Variants in PRKAG2 observed in about 807,000 individuals in gnomAD.
PRKAG2 encodes the protein protein kinase AMP-activated non-catalytic subunit gamma 2.
PRKAG2 carries 26 observed loss-of-function variants against 69.6 expected under a neutral mutation model. The observed-to-expected ratio is 0.37, with a 90% CI of 0.27 to 0.52. PRKAG2 has a LOEUF of 0.52. PRKAG2 is among the 20% of genes least tolerant of loss of function. The pLI is 0.90. For synonymous variants in PRKAG2, 293 were observed against 285.0 expected, an observed-to-expected ratio of 1.03 and a Z score of -0.28; for missense variants, 557 against 740.0, an observed-to-expected ratio of 0.75 and a Z score of 2.87.
intron 1 of PRKAG2, among the ~76,000 whole-genome samples, chr7:151,815,974 G>A (rs891452131): frequency 6.6e-6 from 1 of 152,212 alleles, no homozygotes; most frequent in African/African-American, 2.4e-5. Flanking sequence ...GTGGGCAAAT[G>A]TGTTATTCAG....
At chr7:151,844,469 C>T (rs564431000) in intron 1 of PRKAG2, among the ~76,000 whole-genome samples, 75 of 152,302 alleles carry the variant, frequency 4.9e-4, no homozygotes, top group African/African-American at 1.6e-3. Context: ...AACCCTCCCA[C>T]CTGGGTGAGC....
chr7:151,871,184 A>G (rs1368530525), intron 1 of PRKAG2, among the ~76,000 whole-genome samples: 1 of 152,216 alleles, frequency 6.6e-6, no homozygotes, highest in African/African-American at 2.4e-5. Flanking sequence ...CTAATAGGGA[A>G]GCTGCTTTTT....
chr7:151,773,633 T>C (rs982451796), intron 3 of PRKAG2, among the ~76,000 whole-genome samples: 1 of 152,266 alleles, frequency 6.6e-6, no homozygotes, highest in Non-Finnish European at 1.5e-5. Context: ...TAGATCATTC[T>C]GGAGGTCCTG....
intron 4 of PRKAG2, among the ~76,000 whole-genome samples, chr7:151,639,423 C>T (rs79110277): frequency 3.3e-5 from 5 of 152,140 alleles, no homozygotes; most frequent in Admixed American, 6.5e-5. Context: ...CCTAGACAAC[C>T]GGTAAAGCAT....
intron 3 of PRKAG2, among the ~76,000 whole-genome samples, chr7:151,715,152 AT>A (rs1250962648): frequency 6.8e-6 from 1 of 146,880 alleles, no homozygotes; most frequent in African/African-American, 2.5e-5. Flanking sequence ...AGTAGCTGGG[AT>A]TACAGGTGCG....
intron 1 of PRKAG2, among the ~76,000 whole-genome samples, chr7:151,842,037 TGGTAGTGATGGTA>T (rs1285578591): frequency 7.2e-6 from 1 of 138,980 alleles, no homozygotes; most frequent in Admixed American, 7.0e-5. Context: ...ATGGTAGTGA[TGGTAGTGATGGTA>T]GGTAGGGATG....
intron 1 of PRKAG2, among the ~76,000 whole-genome samples, chr7:151,875,464 G>A (rs974120518): frequency 3.9e-5 from 6 of 152,204 alleles, no homozygotes; most frequent in African/African-American, 9.7e-5. Context: ...GACCCTGTCG[G>A]GAAGGATTAG....
At chr7:151,596,548 A>G (rs1814572851) in intron 5 of PRKAG2, among the ~76,000 whole-genome samples, 1 of 152,170 alleles carries the variant, frequency 6.6e-6, no homozygotes. Context: ...CAGGAGTTTG[A>G]GACCAGCCTG....
intron 1 of PRKAG2, 81 bp from the exon 2 acceptor site, chr7:151,786,622 C>T: frequency 9.0e-7 from 1 of 1,112,570 alleles, no homozygotes; most frequent in Non-Finnish European, 1.3e-6. Context: ...TGGGTGTCAC[C>T]TCCCCCTTCC....
chr7:151,781,031 G>T lies in PRKAG2; in HGVS notation c.466+121C>A. The T allele has an allele frequency of 7.5e-7, 1 of 1,329,522 alleles. No individual in the cohort carries two copies. Among genetic ancestry groups the T allele is most frequent in the Non-Finnish European group, 1.1e-6 (1 of 934,908 alleles). The allele number at this position is 1,329,522 out of a possible 1,614,324, so 82.4% of individuals were successfully genotyped here. A position where few individuals can be genotyped will look rare whatever the true frequency, so the allele number is the denominator to read the frequency against. On this transcript the variant is annotated intron_variant, in intron 3 of 15. Transcript: ENST00000287878. This position sits in a 1 kb window ranked among gnomAD's most constrained non-coding sequence, Gnocchi z 6.1. ...TGGGGGTGGGGAGAAACAGATACAG[G>T]CACTCAGCACCAAGCTGCTCACAGC...
chr7:151,565,902 C>A lies in PRKAG2; in HGVS notation c.1234-17G>T, dbSNP rs587781127. On this transcript the variant is annotated splice_polypyrimidine_tract_variant and intron_variant, in intron 11 of 15. Coordinates refer to ENST00000287878, the MANE Select transcript of PRKAG2 (RefSeq NM_016203.4). The stretch of plus-strand genomic sequence containing the variant: ...ATCAGACATCTAAACGGAAGATAAA[C>A]GCAAACGTTCTAGACCCAGAACACA... The A allele has an allele frequency of 6.2e-7, 1 of 1,609,214 alleles. No individual in the cohort carries two copies. The highest frequency in any genetic ancestry group is 1.3e-5 in the African/African-American group (1 of 74,780).
chr7:151,867,360 G>A (rs1005960407), intron 1 of PRKAG2, among the ~76,000 whole-genome samples: 1 of 152,178 alleles, frequency 6.6e-6, no homozygotes, highest in Non-Finnish European at 1.5e-5. Context: ...GGTGCTGTGA[G>A]AGCCACACGC....
At chr7:151,566,898 T>C (rs1163613018) in intron 11 of PRKAG2, among the ~76,000 whole-genome samples, 1 of 152,212 alleles carries the variant, frequency 6.6e-6, no homozygotes, top group Non-Finnish European at 1.5e-5. Flanking sequence ...TCTATATTTT[T>C]AACTGAAAAC....
intron 5 of PRKAG2, among the ~76,000 whole-genome samples, chr7:151,617,050 A>G (rs1383047330): frequency 6.6e-6 from 1 of 151,948 alleles, no homozygotes; most frequent in East Asian, 1.9e-4. Flanking sequence ...GCCTGAGGTC[A>G]AGAGTACAAG....
At position 151,780,737 on chromosome 7, in the gene PRKAG2, TG is replaced by T. The variant is rs1319260264; in HGVS notation, c.466+414del. The stretch of plus-strand genomic sequence containing the variant: ...CCCTCAAATACCAAACCACAGAGAG[TG>T]GAAGCCATATCAGGCTGACCAAAGC... On this transcript the variant is annotated intron_variant, in intron 3 of 15. Coordinates refer to ENST00000287878, the MANE Select transcript of PRKAG2 (RefSeq NM_016203.4). The surrounding 1 kb of genome is among the most constrained non-coding windows in gnomAD (Gnocchi z 4.2). 1.3e-5 allele frequency among the ~76,000 whole-genome samples: 2 copies of T among 151,228 alleles called. No homozygotes were observed. Among genetic ancestry groups the T allele is most frequent in the African/African-American group, 4.9e-5 (2 of 41,072 alleles).
At chr7:151,697,983 T>C (rs969910388) in intron 3 of PRKAG2, among the ~76,000 whole-genome samples, 1 of 151,494 alleles carries the variant, frequency 6.6e-6, no homozygotes, top group Non-Finnish European at 1.5e-5. Flanking sequence ...CAGAGGGAGG[T>C]GCATTTTTGT....
intron 1 of PRKAG2, among the ~76,000 whole-genome samples, chr7:151,866,561 A>G (rs1039672852): frequency 6.6e-6 from 1 of 152,112 alleles, no homozygotes. Context: ...AAGAATATTG[A>G]TCGGTCATCA....
At chr7:151,622,480 A>G (rs1294553573) in intron 5 of PRKAG2, among the ~76,000 whole-genome samples, 1 of 152,242 alleles carries the variant, frequency 6.6e-6, no homozygotes, top group Admixed American at 6.5e-5. Flanking sequence ...TAAGTCACCA[A>G]TAGAAGATGT....
chr7:151,829,277 A>C (rs934182504), intron 1 of PRKAG2, among the ~76,000 whole-genome samples: 1 of 152,264 alleles, frequency 6.6e-6, no homozygotes, highest in African/African-American at 2.4e-5. Flanking sequence ...TAAGCTCAAC[A>C]TTAGTTATCA....
Sources: allele counts gnomAD v4.1 joint callset (sites outside exome capture counted in the v4.1 genomes callset), GRCh38; gene constraint gnomAD v4.1.1; non-coding constraint Gnocchi (gnomAD v3.1); transcripts MANE v1.5; gene names NCBI Gene and HGNC (gene_info 2026-07-23, HGNC 2026-07-21).